The following ADAM22 variants were observed in gnomAD, a reference collection of about 807,000 sequenced individuals.
ADAM22 encodes ADAM metallopeptidase domain 22, also known as disintegrin and metalloproteinase domain-containing protein 22.
A neutral mutation model predicts 144.6 loss-of-function variants in ADAM22; 65 were observed. The ratio of observed to expected loss-of-function variants is 0.45; its 90% CI spans 0.37 to 0.55. ADAM22 has a LOEUF of 0.55. ADAM22 is among the 20% of genes least tolerant of loss of function. The probability of loss-of-function intolerance (pLI) is 0.00; values close to 1 mark genes in which losing one functional copy is unlikely to be tolerated. For missense variants in ADAM22, 974 were observed against 1,184.9 expected, an observed-to-expected ratio of 0.82 and a Z score of 2.61; for synonymous variants, 391 against 412.6, an observed-to-expected ratio of 0.95 and a Z score of 0.63.
chr7:88,051,968 T>G (rs1806549182), intron 3 of ADAM22, among the ~76,000 whole-genome samples: 1 of 152,132 alleles, frequency 6.6e-6, no homozygotes, highest in African/African-American at 2.4e-5. Flanking sequence ...CCCTCCAAAT[T>G]CAGAATATGG....
intron 2 of ADAM22, among the ~76,000 whole-genome samples, chr7:87,947,466 G>T (rs1310677702): frequency 1.3e-5 from 2 of 151,864 alleles, no homozygotes; most frequent in Middle Eastern, 3.2e-3. Context: ...GTAAGACTAT[G>T]TCAAACCACA....
intron 31 of ADAM22, among the ~76,000 whole-genome samples, chr7:88,193,955 A>C (rs1850153112): frequency 7.9e-6 from 1 of 127,110 alleles, no homozygotes; most frequent in Non-Finnish European, 1.8e-5. Flanking sequence ...ATAATCCAAA[A>C]GTCTTTAAAA....
chr7:87,999,151 T>A (rs1791937177), intron 3 of ADAM22, among the ~76,000 whole-genome samples: 1 of 152,174 alleles, frequency 6.6e-6, no homozygotes, highest in Non-Finnish European at 1.5e-5. Flanking sequence ...TGAGAGAAAG[T>A]ATGTTAGTGT....
Position 88,104,248 on chromosome 7 carries a change from G to A in ADAM22, c.391-3928G>A, listed in dbSNP as rs553018301. ...ACCTTAAGAAAAAGAAAGTCAAGTG[G>A]CTGAACAGTGTACACAGTATAAAAC... is the stretch of plus-strand genomic sequence containing the variant. On this transcript the variant is annotated intron_variant, in intron 4 of 31. Transcript: ENST00000413139. Among the ~76,000 whole-genome samples the A allele has an allele frequency of 1.6e-4, 24 of 152,210 alleles. No individual in the cohort carries two copies. The South Asian group carries it at 5.0e-3, about 32-fold the overall frequency.
intron 26 of ADAM22, among the ~76,000 whole-genome samples, chr7:88,176,809 G>T (rs1219180611): frequency 2.0e-5 from 3 of 152,058 alleles, no homozygotes; most frequent in African/African-American, 7.2e-5. Flanking sequence ...CTGTTGCCCA[G>T]GCTGGAGTGC....
At chr7:88,046,880 C>A (rs1233526632) in intron 3 of ADAM22, among the ~76,000 whole-genome samples, 2 of 151,550 alleles carry the variant, frequency 1.3e-5, no homozygotes, top group South Asian at 4.1e-4. Context: ...TTTGTTGATA[C>A]AATATAAAAT....
At chr7:88,069,365 C>T (rs1300624814) in intron 3 of ADAM22, among the ~76,000 whole-genome samples, 1 of 152,148 alleles carries the variant, frequency 6.6e-6, no homozygotes, top group Non-Finnish European at 1.5e-5. Flanking sequence ...TGTGAGCCAA[C>T]ATATTTCTGT....
chr7:87,976,305 T>C (rs1219676048), intron 2 of ADAM22, among the ~76,000 whole-genome samples: 1 of 152,110 alleles, frequency 6.6e-6, no homozygotes, highest in Non-Finnish European at 1.5e-5. Flanking sequence ...TGGGAGACCT[T>C]TAAGAGGTGA....
intron 3 of ADAM22, among the ~76,000 whole-genome samples, chr7:88,026,368 A>G (rs1016077435): frequency 1.3e-5 from 2 of 152,188 alleles, no homozygotes. Context: ...ACGAGATGTC[A>G]CAATAACTTA....
At chr7:87,946,252 T>C (rs1843660252) in intron 2 of ADAM22, among the ~76,000 whole-genome samples, 1 of 152,176 alleles carries the variant, frequency 6.6e-6, no homozygotes. Flanking sequence ...TGAATTAAGT[T>C]CCTTATAGAT....
chr7:88,020,793 G>A (rs1229478720), intron 3 of ADAM22, among the ~76,000 whole-genome samples: 4 of 152,084 alleles, frequency 2.6e-5, no homozygotes, highest in African/African-American at 9.7e-5. Context: ...ATTATTCCAG[G>A]AAAGTTTATT....
At chr7:88,127,472 C>G (rs1464095100) in intron 8 of ADAM22, among the ~76,000 whole-genome samples, 1 of 151,956 alleles carries the variant, frequency 6.6e-6, no homozygotes, top group African/African-American at 2.4e-5. Flanking sequence ...AAAACACCCC[C>G]CTCCCTTAAA....
chr7:88,150,694 A>G (rs1434941516), intron 18 of ADAM22, among the ~76,000 whole-genome samples: 1 of 152,146 alleles, frequency 6.6e-6, no homozygotes, highest in East Asian at 1.9e-4. Flanking sequence ...ATTTGCTGCT[A>G]TGTAATCAAC....
intron 4 of ADAM22, chr7:88,089,969 A>G (rs1819436992): frequency 6.6e-6 from 1 of 152,108 alleles, no homozygotes; most frequent in African/African-American, 2.4e-5. Flanking sequence ...CTTTTTTCTA[A>G]AAAGAACAGC....
intron 3 of ADAM22, among the ~76,000 whole-genome samples, chr7:88,043,846 A>G (rs1318564164): frequency 6.6e-6 from 1 of 152,258 alleles, no homozygotes; most frequent in Non-Finnish European, 1.5e-5. Context: ...GCAAATCCAC[A>G]CAAGTCCATA....
intron 3 of ADAM22, among the ~76,000 whole-genome samples, chr7:88,058,062 G>A (rs1323495414): frequency 1.3e-5 from 2 of 152,180 alleles, no homozygotes; most frequent in African/African-American, 4.8e-5. Flanking sequence ...TAATGATAGT[G>A]AGGGTATAAT....
intron 2 of ADAM22, among the ~76,000 whole-genome samples, chr7:87,972,529 A>G (rs1237542156): frequency 6.6e-5 from 10 of 152,308 alleles, no homozygotes; most frequent in South Asian, 4.1e-4. Context: ...TATAGATTCA[A>G]TGCCATCCCC....
At chr7:88,121,430 G>A (rs939645791) in intron 7 of ADAM22, among the ~76,000 whole-genome samples, 1 of 152,166 alleles carries the variant, frequency 6.6e-6, no homozygotes, top group Admixed American at 6.5e-5. Flanking sequence ...CTAAAACTTA[G>A]TGGCTTTAAT....
At chr7:88,187,385 T>C (rs1434847267) in intron 30 of ADAM22, among the ~76,000 whole-genome samples, 5 of 152,222 alleles carry the variant, frequency 3.3e-5, no homozygotes, top group Non-Finnish European at 5.9e-5. Context: ...ATACTTCAAA[T>C]AGAACAGGAA....
Sources: gnomAD v4.1 joint callset for allele counts (sites outside exome capture counted in the v4.1 genomes callset) on GRCh38, gnomAD v4.1.1 for gene constraint, MANE v1.5 for transcripts, NCBI Gene and HGNC (gene_info 2026-07-23, HGNC 2026-07-21) for gene names.